Variants in CCDC15 observed in about 807,000 individuals in gnomAD.
The protein encoded by CCDC15 is coiled-coil domain-containing protein 15.
A neutral mutation model predicts 114.5 loss-of-function variants in CCDC15; 105 were observed. The observed-to-expected ratio is 0.92, with a 90% CI of 0.78 to 1.08. The LOEUF is 1.08. CCDC15 is among the 50% of genes least tolerant of loss of function. The pLI is 0.00. For missense variants in CCDC15, 1,105 were observed against 1,093.6 expected, an observed-to-expected ratio of 1.01 and a Z score of -0.15; for synonymous variants, 334 against 377.8, an observed-to-expected ratio of 0.88 and a Z score of 1.34.
intron 15 of CCDC15, 93 bp downstream of exon 15, chr11:125,039,162 T>G (rs1020510326): frequency 8.1e-7 from 1 of 1,228,262 alleles, no homozygotes; most frequent in African/African-American, 1.5e-5. Flanking sequence ...ATTGAGTGCT[T>G]ACTATGTATC....
At chr11:125,000,029 T>TG (rs1439447423) in intron 11 of CCDC15, among the ~76,000 whole-genome samples, 1 of 151,376 alleles carries the variant, frequency 6.6e-6, no homozygotes, top group Non-Finnish European at 1.5e-5. Flanking sequence ...GCCTGGCTAA[T>TG]TTTTTTTATT....
intron 4 of CCDC15, among the ~76,000 whole-genome samples, chr11:124,971,432 T>C (rs1278669106): frequency 6.6e-6 from 1 of 152,184 alleles, no homozygotes; most frequent in Non-Finnish European, 1.5e-5. Context: ...AGAATGACTT[T>C]GATGAGTTGA....
At chr11:125,034,416 G>A (rs1948761762) in intron 13 of CCDC15, among the ~76,000 whole-genome samples, 1 of 152,216 alleles carries the variant, frequency 6.6e-6, no homozygotes, top group African/African-American at 2.4e-5. Context: ...AAAAGCTTGT[G>A]TCTGGTTTTC....
intron 15 of CCDC15, 21 bp downstream of exon 15, chr11:125,039,090 G>T: frequency 6.4e-7 from 1 of 1,564,098 alleles, no homozygotes. Flanking sequence ...TGAAGGAATA[G>T]TCAGGGCCTA....
At chr11:125,011,729 A>G (rs1948594640) in intron 13 of CCDC15, among the ~76,000 whole-genome samples, 1 of 152,180 alleles carries the variant, frequency 6.6e-6, no homozygotes, top group Non-Finnish European at 1.5e-5. Context: ...ATACAAATAC[A>G]AGTTTATGTA....
intron 2 of CCDC15, among the ~76,000 whole-genome samples, chr11:124,957,341 A>G (rs2135425411): frequency 6.6e-6 from 1 of 152,316 alleles, no homozygotes; most frequent in East Asian, 1.9e-4. Context: ...TCTTATTCAC[A>G]TATCTGACGC....
At chr11:124,969,619 C>G (rs1452148465) in intron 4 of CCDC15, among the ~76,000 whole-genome samples, 1 of 151,922 alleles carries the variant, frequency 6.6e-6, no homozygotes, top group East Asian at 1.9e-4. Flanking sequence ...TTTTTAAAAC[C>G]ATGGAAATAA....
At chr11:124,986,700 T>TGTGTGTGTGTGTGCGCGCGCGCGCGC (rs878887902) in intron 6 of CCDC15, 42 bp from the exon 7 acceptor site, 1 of 1,298,020 alleles carries the variant, frequency 7.7e-7, no homozygotes, top group African/African-American at 1.7e-5. Context: ...TTTGTGTGTG[T>TGTGTGTGTGTGTGCGCGCGCGCGCGC]GCGCGCGCGC....
chr11:125,038,814 C>T, intron 14 of CCDC15, 107 bp from the exon 15 acceptor site: 1 of 1,343,076 alleles, frequency 7.4e-7, no homozygotes, highest in East Asian at 2.3e-5. Flanking sequence ...TGTCAAGGCC[C>T]AGAGATACGG....
chr11:124,978,669 G>C (rs993990800), intron 6 of CCDC15, among the ~76,000 whole-genome samples: 5 of 151,894 alleles, frequency 3.3e-5, no homozygotes, highest in African/African-American at 1.2e-4. Flanking sequence ...GGAGTTTTTT[G>C]CTTGTAAATT....
At chr11:125,000,869 TC>T (rs1948468464) in intron 11 of CCDC15, among the ~76,000 whole-genome samples, 1 of 152,174 alleles carries the variant, frequency 6.6e-6, no homozygotes, top group African/African-American at 2.4e-5. Context: ...AGGGGTAGAT[TC>T]CTGCAAGCCT....
At chr11:124,988,783 C>G (rs1948219549) in intron 8 of CCDC15, among the ~76,000 whole-genome samples, 1 of 152,204 alleles carries the variant, frequency 6.6e-6, no homozygotes, top group Non-Finnish European at 1.5e-5. Flanking sequence ...ACTTTCTTTG[C>G]TCATCATAAG....
At position 125,038,559 on chromosome 11, in the gene CCDC15, T is replaced by G; in HGVS notation, c.2540T>G (p.Ile847Arg). The part of the protein sequence containing the change: ...EILAQLQLQE[I>R]KGTREKQQRE... ...TTAGCCCAGTTACAACTTCAAGAAA[T>G]AAAAGGAACCAGAGAAAAACAACAG... The change falls in exon 14 of 16, where the codon ATA becomes AGA. Residue 847 changes from isoleucine to arginine, a missense_variant. Ile to Arg is a moderately conservative substitution (Grantham distance 97, BLOSUM62 -3). Coordinates refer to ENST00000344762, the MANE Select transcript of CCDC15 (RefSeq NM_025004.3). The G allele has an allele frequency of 6.3e-7, 1 of 1,579,266 alleles. No individual in the cohort carries two copies. The highest frequency in any genetic ancestry group is 8.6e-7 in the Non-Finnish European group (1 of 1,164,792).
In CCDC15 at chr11:125,038,441, AAG is replaced by A; in HGVS notation, c.2429_2430del (p.Glu810AlafsTer17). 1 of 1,492,416 alleles carries A rather than the reference AAG, an allele frequency of 6.7e-7. No individual in the cohort carries two copies. The highest frequency in any genetic ancestry group is 8.9e-7 in the Non-Finnish European group (1 of 1,123,912). 92.4% of individuals were successfully genotyped at this position (1,492,416 alleles called of 1,614,324 possible). A position where few individuals can be genotyped will look rare whatever the true frequency, so the allele number is the denominator to read the frequency against. The stretch of plus-strand genomic sequence containing the variant: ...TGATTTTATTTTCAGAATTAAGAAA[AAG>A]AGAGAGCAAGAATGTTATGCTGCAG... ...QKKKIEKIKK[K>X]REQECYAAEQ... On this transcript the variant is annotated frameshift_variant, in exon 14 of 16. Coordinates refer to ENST00000344762, the MANE Select transcript of CCDC15 (RefSeq NM_025004.3). LOFTEE classifies it high-confidence loss of function.
intron 4 of CCDC15, among the ~76,000 whole-genome samples, chr11:124,973,147 G>A (rs1170680572): frequency 6.6e-6 from 1 of 152,086 alleles, no homozygotes. Context: ...GTATATTCTA[G>A]CTTTTGGAGC....
At chr11:124,974,111 A>G (rs1947931502) in intron 4 of CCDC15, among the ~76,000 whole-genome samples, 2 of 151,960 alleles carry the variant, frequency 1.3e-5, no homozygotes, top group Admixed American at 1.3e-4. Flanking sequence ...AGTAGCTGGG[A>G]TTACAGGTGT....
At chr11:125,012,055 T>C (rs1037438582) in intron 13 of CCDC15, among the ~76,000 whole-genome samples, 1 of 152,226 alleles carries the variant, frequency 6.6e-6, no homozygotes, top group African/African-American at 2.4e-5. Context: ...TAATGTTCCA[T>C]TGAGCCTAGA....
At chr11:124,991,360 GA>G (rs910434275) in intron 8 of CCDC15, 100 bp from the exon 9 acceptor site, 86 of 741,202 alleles carry the variant, frequency 1.2e-4, no homozygotes, top group Middle Eastern at 8.2e-4. Context: ...ATATTATCCT[GA>G]AAAAAACTAC....
At chr11:124,970,581 C>T (rs1394539382) in intron 4 of CCDC15, among the ~76,000 whole-genome samples, 1 of 152,090 alleles carries the variant, frequency 6.6e-6, no homozygotes, top group Non-Finnish European at 1.5e-5. Flanking sequence ...TGGTATTAGT[C>T]CTCCATGATA....
Sources: allele counts gnomAD v4.1 joint callset (sites outside exome capture counted in the v4.1 genomes callset), GRCh38; gene constraint gnomAD v4.1.1; transcripts MANE v1.5; gene names NCBI Gene and HGNC (gene_info 2026-07-23, HGNC 2026-07-21).